EDNRA: variants seen among roughly 807,000 people sequenced by gnomAD.
EDNRA encodes endothelin receptor type A.
Under a neutral mutation model 41.4 loss-of-function variants are expected in EDNRA, and 11 were observed. That is an observed-to-expected ratio of 0.27 (90% CI 0.17 to 0.44). The LOEUF is 0.44. Among genes scored for constraint, EDNRA ranks in the 20% least tolerant of loss-of-function variants. EDNRA has a pLI of 1.00. For synonymous variants in EDNRA, 172 were observed against 183.0 expected (o/e 0.94, Z 0.49); for missense variants, 294 against 531.0 (o/e 0.55, Z 4.39).
chr4:147,538,292 G>C (rs984249570), intron 5 of EDNRA, among the ~76,000 whole-genome samples: 7 of 152,124 alleles, frequency 4.6e-5, no homozygotes, highest in African/African-American at 7.2e-5. Context: ...CATCAAAAGA[G>C]TGTCCCTATA....
At chr4:147,526,603 A>G (rs1016392947) in intron 3 of EDNRA, among the ~76,000 whole-genome samples, 6 of 152,152 alleles carry the variant, frequency 3.9e-5, no homozygotes, top group Non-Finnish European at 7.3e-5. Context: ...TAAGAACTCA[A>G]CTGAAGAAGT....
At chr4:147,532,325 C>CAAAAAAAAAAAA (rs59851236) in intron 3 of EDNRA, among the ~76,000 whole-genome samples, 181 bp from the exon 4 acceptor site, 127 of 60,382 alleles carry the variant, frequency 2.1e-3, no homozygotes, top group African/African-American at 7.7e-3. Context: ...GATTTTGCCT[C>CAAAAAAAAAAAA]AAAAAAAAAA....
Position 147,542,647 on chromosome 4 carries a change from C to T in EDNRA, c.*29C>T. 1 of 1,602,026 alleles carries T rather than the reference C, an allele frequency of 6.2e-7. No individual in the cohort carries two copies. Among genetic ancestry groups the T allele is most frequent in the Non-Finnish European group, 8.5e-7 (1 of 1,173,006 alleles). On this transcript the variant is annotated 3_prime_UTR_variant, in exon 8 of 8. Coordinates refer to ENST00000651419, the MANE Select transcript of EDNRA (RefSeq NM_001957.4). The stretch of plus-strand genomic sequence containing the variant: ...CCCTTAGAAGCACTCCTCGGTACTC[C>T]CATAATCCTCTCGGAGAAAAAAATC...
At chr4:147,517,047 A>G (rs1324404915) in intron 2 of EDNRA, among the ~76,000 whole-genome samples, 1 of 151,712 alleles carries the variant, frequency 6.6e-6, no homozygotes, top group Non-Finnish European at 1.5e-5. Flanking sequence ...GGAAGAAAAC[A>G]CACTTAGCAA....
chr4:147,502,611 TCCATCCAGTTTC>T (rs1198149538), intron 2 of EDNRA, among the ~76,000 whole-genome samples: 1 of 129,054 alleles, frequency 7.7e-6, no homozygotes, highest in Non-Finnish European at 1.6e-5. Flanking sequence ...GTAGCTAAGT[TCCATCCAGTTTC>T]CAACTCCCAT....
chr4:147,506,404 T>G (rs1342496066), intron 2 of EDNRA: 4 of 399,588 alleles, frequency 1.0e-5, no homozygotes, highest in Non-Finnish European at 2.0e-5. Flanking sequence ...TACATGAGAT[T>G]AAAAAGATTG....
chr4:147,518,801 G>T (rs901893132), intron 2 of EDNRA, among the ~76,000 whole-genome samples: 2 of 152,070 alleles, frequency 1.3e-5, no homozygotes, highest in South Asian at 4.2e-4. Flanking sequence ...CTGTTTCCTA[G>T]TGAGTTAAGT....
intron 3 of EDNRA, among the ~76,000 whole-genome samples, chr4:147,521,792 T>C (rs1730328755): frequency 6.6e-6 from 1 of 152,200 alleles, no homozygotes; most frequent in African/African-American, 2.4e-5. Flanking sequence ...CTAAAATTCA[T>C]GTAGAGAAAA....
chr4:147,523,176 TA>T (rs996544814), intron 3 of EDNRA, among the ~76,000 whole-genome samples: 4 of 152,186 alleles, frequency 2.6e-5, no homozygotes, highest in African/African-American at 9.7e-5. Context: ...TGAGAATAGA[TA>T]GTAAATGCCT....
intron 3 of EDNRA, among the ~76,000 whole-genome samples, chr4:147,530,653 C>A (rs1222247613): frequency 6.6e-6 from 1 of 152,190 alleles, no homozygotes; most frequent in Non-Finnish European, 1.5e-5. Flanking sequence ...TGTACATGCT[C>A]ATCTCTAGGG....
intron 3 of EDNRA, among the ~76,000 whole-genome samples, chr4:147,523,004 C>T (rs558100064): frequency 7.9e-5 from 12 of 152,296 alleles, no homozygotes; most frequent in Middle Eastern, 3.4e-3. Context: ...GGTGCTTCCA[C>T]GTCACAGGTG....
rs886906904 is a variant in EDNRA at position 147,481,264 on chromosome 4, C to A, written c.-183C>A. On this transcript the variant is annotated 5_prime_UTR_variant, in exon 1 of 8. Transcript: ENST00000651419. The stretch of plus-strand genomic sequence containing the variant: ...TGTGCAGCCGAAGCCGCCGCCGCGC[C>A]GGAGCCCGGGACACCGGCCACCCTC... 27 of 153,272 alleles carry A rather than the reference C, an allele frequency of 1.8e-4. No homozygotes were observed. In the East Asian group the frequency reaches 2.3e-3, roughly 13 times the overall value. The allele number at this position is 153,272 out of a possible 1,614,324, so 9.5% of individuals were successfully genotyped here.
chr4:147,544,954 G>C lies in EDNRA; in HGVS notation c.*2336G>C, dbSNP rs1160690401. The C allele has an allele frequency of 6.6e-6, 1 of 152,620 alleles. No individual in the cohort carries two copies. The highest frequency in any genetic ancestry group is 1.5e-5 in the Non-Finnish European group (1 of 68,024). 9.5% of individuals were successfully genotyped at this position (152,620 alleles called of 1,614,324 possible). A position where few individuals can be genotyped will look rare whatever the true frequency, so the allele number is the denominator to read the frequency against. ...TAAAATAAAAGTTTACAGAAACCTT[G>C]CAAGTGTCTCTTCATTTTTATGTAG... On this transcript the variant is annotated 3_prime_UTR_variant, in exon 8 of 8. Coordinates refer to ENST00000651419, the MANE Select transcript of EDNRA (RefSeq NM_001957.4).
chr4:147,495,314 C>T (rs1729268022), intron 2 of EDNRA: 1 of 152,202 alleles, frequency 6.6e-6, no homozygotes, highest in Non-Finnish European at 1.5e-5. Flanking sequence ...AATGTCATCC[C>T]TAACACAAAT....
chr4:147,530,132 G>A (rs1478432853), intron 3 of EDNRA, among the ~76,000 whole-genome samples: 1 of 152,174 alleles, frequency 6.6e-6, no homozygotes, highest in East Asian at 1.9e-4. Flanking sequence ...TTCATCATAA[G>A]AACATGTTGA....
In EDNRA at chr4:147,544,781, A is replaced by G. The variant is rs200053492; in HGVS notation, c.*2163A>G. 6.6e-6 allele frequency: 1 copy of G among 152,644 alleles called. No homozygotes were observed. The highest frequency in any genetic ancestry group is 1.5e-5 in the Non-Finnish European group (1 of 68,044). The allele number at this position is 152,644 out of a possible 1,614,324, so 9.5% of individuals were successfully genotyped here. A position where few individuals can be genotyped will look rare whatever the true frequency, so the allele number is the denominator to read the frequency against. On this transcript the variant is annotated 3_prime_UTR_variant, in exon 8 of 8. Coordinates refer to ENST00000651419, the MANE Select transcript of EDNRA (RefSeq NM_001957.4). ...AAGTCATAGATTTCTGAAGGCGTCA[A>G]CGTGCATTTTATTTATGGACTGGTA...
Position 147,489,230 on chromosome 4 carries a change from T to C in EDNRA, c.420+3129T>C, listed in dbSNP as rs1009532921. ...GTTACATGTATATATTGCATAGTGG[T>C]GAAGTCAAGGCTTTTAGGGTATCCA... On this transcript the variant is annotated intron_variant, in intron 2 of 7. Transcript: ENST00000651419. 2.0e-5 allele frequency: 3 copies of C among 152,170 alleles called. No homozygotes were observed. The East Asian group carries it at 5.8e-4, about 29-fold the overall frequency. 9.4% of individuals were successfully genotyped at this position (152,170 alleles called of 1,614,324 possible).
rs767572768 is a variant in EDNRA at position 147,485,859 on chromosome 4, C to T, written c.178C>T (p.Pro60Ser). 7 of 1,614,230 alleles carry T rather than the reference C, an allele frequency of 4.3e-6. No individual in the cohort carries two copies. In the South Asian group the frequency reaches 5.5e-5, roughly 13 times the overall value. Reference sequence around the variant, plus strand: ...TCATCAACCCACTAATTTGGTCCTACCCAGCAATGGCTCAATGCACAACTA... The same window carrying T: ...TCATCAACCCACTAATTTGGTCCTATCCAGCAATGGCTCAATGCACAACTA... ...TTHQPTNLVL[P>S]SNGSMHNYCP... Residue 60 changes from proline to serine, a missense_variant, in exon 2 of 8, where the codon CCC becomes TCC. Coordinates refer to ENST00000651419, the MANE Select transcript of EDNRA (RefSeq NM_001957.4).
At chr4:147,511,951 A>G (rs1203368437) in intron 2 of EDNRA, among the ~76,000 whole-genome samples, 1 of 152,192 alleles carries the variant, frequency 6.6e-6, no homozygotes, top group Non-Finnish European at 1.5e-5. Context: ...CTCACAACAC[A>G]TGGAAAATCT....
Sources: allele counts gnomAD v4.1 joint callset (sites outside exome capture counted in the v4.1 genomes callset), GRCh38; gene constraint gnomAD v4.1.1; transcripts MANE v1.5; gene names NCBI Gene and HGNC (gene_info 2026-07-23, HGNC 2026-07-21).